IFI27L1: variants seen among roughly 807,000 people sequenced by gnomAD.
The protein encoded by IFI27L1 is interferon alpha-inducible protein 27-like protein 1.
Under a neutral mutation model 9.2 loss-of-function variants are expected in IFI27L1, and 3 were observed. That is an observed-to-expected ratio of 0.32 (90% CI 0.15 to 0.84). The LOEUF (loss-of-function observed/expected upper bound fraction) is 0.84. Ranked by LOEUF, IFI27L1 falls within the 40% of genes least tolerant of loss-of-function variation. The pLI, the probability that IFI27L1 is intolerant of heterozygous loss-of-function variation, is 0.56. For synonymous variants in IFI27L1, 53 were observed against 50.0 expected, an observed-to-expected ratio of 1.06 and a Z score of -0.26; for missense variants, 133 against 134.2, an observed-to-expected ratio of 0.99 and a Z score of 0.05.
intron 2 of IFI27L1, chr14:94,097,373 T>G: frequency 1.8e-6 from 1 of 556,376 alleles, no homozygotes; most frequent in South Asian, 2.4e-5. Flanking sequence ...TTTCAGAGCA[T>G]CTTTGTAATA....
chr14:94,101,340 TCTGA>T (rs919457046), intron 3 of IFI27L1: 19 of 217,902 alleles, frequency 8.7e-5, no homozygotes, highest in African/African-American at 2.7e-4. Flanking sequence ...CAGATGGCTC[TCTGA>T]CTGCACTGCT....
intron 2 of IFI27L1, 145 bp from the exon 3 acceptor site, chr14:94,100,594 T>G (rs960390406): frequency 1.3e-6 from 2 of 1,549,916 alleles, no homozygotes; most frequent in Non-Finnish European, 1.7e-6. Flanking sequence ...CCTTCACCTC[T>G]GACCTATGGC....
intron 1 of IFI27L1, among the ~76,000 whole-genome samples, chr14:94,085,234 G>A (rs1886244750): frequency 6.6e-6 from 1 of 152,212 alleles, no homozygotes; most frequent in African/African-American, 2.4e-5. Flanking sequence ...GGCTCATCTA[G>A]CCAGGTAGGG....
At chr14:94,086,587 T>C (rs977677016) in intron 1 of IFI27L1, among the ~76,000 whole-genome samples, 2 of 152,170 alleles carry the variant, frequency 1.3e-5, no homozygotes, top group East Asian at 1.9e-4. Flanking sequence ...AAGAGAGTTA[T>C]AATACAAAAT....
intron 1 of IFI27L1, among the ~76,000 whole-genome samples, chr14:94,088,477 C>G (rs1381362901): frequency 2.0e-5 from 3 of 150,772 alleles, no homozygotes; most frequent in Non-Finnish European, 4.4e-5. Context: ...CTTAGACCCT[C>G]CTCCTCCAAT....
intron 1 of IFI27L1, among the ~76,000 whole-genome samples, chr14:94,092,178 TCA>T (rs1191516480): frequency 6.6e-6 from 1 of 151,518 alleles, no homozygotes; most frequent in Non-Finnish European, 1.5e-5. Context: ...AAGCCAGATT[TCA>T]CCCTTTGCGT....
rs1886095265 is a variant in IFI27L1, at chr14:94,081,325, G to A, written c.-176G>A. ...GGACCGCAGCAGTGCCGGCGGGAGA[G>A]CTGGCTTGGGGCGCTGGCACCTCCT... is the stretch of plus-strand genomic sequence containing the variant. On this transcript the variant is annotated 5_prime_UTR_variant, in exon 1 of 5. Coordinates refer to ENST00000555523, the MANE Select transcript of IFI27L1 (RefSeq NM_206949.3). 3.3e-5 allele frequency: 5 copies of A among 152,302 alleles called. No individual in the cohort carries two copies. The highest frequency in any genetic ancestry group is 2.0e-4 in the Admixed American group (3 of 15,288). The allele number at this position is 152,302 out of a possible 1,614,324, so 9.4% of individuals were successfully genotyped here.
In IFI27L1 at chr14:94,096,967, TG is replaced by T. The variant is rs749336075; in HGVS notation, c.28+5del. 6.2e-7 allele frequency: 1 copy of T among 1,612,682 alleles called. No individual in the cohort carries two copies. Among genetic ancestry groups the T allele is most frequent in the East Asian group, 2.2e-5 (1 of 44,846 alleles). On this transcript the variant is annotated splice_donor_region_variant and intron_variant, in intron 2 of 4. Coordinates refer to ENST00000555523, the MANE Select transcript of IFI27L1 (RefSeq NM_206949.3). Reference sequence around the variant, plus strand: ...GAAAGGAGAGTGGATGGGACTCAGGTGGGTACTGCACATGATTCTGGGGGCT... The same window carrying T: ...GAAAGGAGAGTGGATGGGACTCAGGTGGTACTGCACATGATTCTGGGGGCT...
intron 4 of IFI27L1, 38 bp from the exon 5 acceptor site, chr14:94,102,439 C>G (rs1290490380): frequency 7.3e-7 from 1 of 1,372,840 alleles, no homozygotes; most frequent in East Asian, 2.4e-5. Flanking sequence ...GCTGCTACCC[C>G]TCCCTGTGCC....
intron 2 of IFI27L1, among the ~76,000 whole-genome samples, chr14:94,098,242 C>G (rs571619517): frequency 6.6e-6 from 1 of 152,212 alleles, no homozygotes; most frequent in Non-Finnish European, 1.5e-5. Flanking sequence ...CAGGGCCATG[C>G]TGTCTCTGAA....
In IFI27L1 at chr14:94,088,195, G is replaced by A. The variant is rs1886345591; in HGVS notation, c.-52+6746G>A. On this transcript the variant is annotated intron_variant, in intron 1 of 4. Transcript: ENST00000555523. ...AAGGTGGAAGGGACACAGGGGCTGT[G>A]CTTCGGCTTCTTCTACTGCCAAGCA... 7 of 699,960 alleles carry A rather than the reference G, an allele frequency of 1.0e-5. No homozygotes were observed. In the Admixed American group the frequency reaches 1.4e-4, roughly 14 times the overall value. 43.4% of individuals were successfully genotyped at this position (699,960 alleles called of 1,614,324 possible).
chr14:94,096,298 C>T (rs775962795), intron 1 of IFI27L1, among the ~76,000 whole-genome samples: 14 of 152,184 alleles, frequency 9.2e-5, no homozygotes, highest in Non-Finnish European at 1.6e-4. Context: ...CCAGTAGATA[C>T]GTCTCCATTC....
rs1886137462 is a variant in IFI27L1 at position 94,082,362 on chromosome 14, T to C, written c.-52+913T>C. Among the ~76,000 whole-genome samples the C allele has an allele frequency of 3.3e-5, 5 of 152,010 alleles. 1 individual carries two copies. In the South Asian group the frequency reaches 1.0e-3, roughly 31 times the overall value. ...GTCTCCAGAACATGAAAGTGTAAGATGAGGCAGCAAATGCTGATGGAGAAG... is the reference window on the plus strand; with the variant it reads ...GTCTCCAGAACATGAAAGTGTAAGACGAGGCAGCAAATGCTGATGGAGAAG... On this transcript the variant is annotated intron_variant, in intron 1 of 4. Coordinates refer to ENST00000555523, the MANE Select transcript of IFI27L1 (RefSeq NM_206949.3).
chr14:94,096,817 A>T, intron 1 of IFI27L1, 70 bp from the exon 2 acceptor site: 1 of 800,664 alleles, frequency 1.2e-6, no homozygotes, highest in Non-Finnish European at 2.1e-6. Context: ...CCCAGGAGGG[A>T]TGCAGAGTTC....
chr14:94,100,804 A>T, intron 3 of IFI27L1, 33 bp downstream of exon 3: 1 of 1,610,852 alleles, frequency 6.2e-7, no homozygotes, highest in Non-Finnish European at 8.5e-7. Flanking sequence ...TCAAGCCCCC[A>T]TCCCCCGCCT....
intron 1 of IFI27L1, among the ~76,000 whole-genome samples, chr14:94,088,497 A>ATC (rs1468035704): frequency 1.1e-5 from 1 of 91,882 alleles, no homozygotes. Flanking sequence ...TCCTGGAACA[A>ATC]TCTTTTTTTT....
chr14:94,091,145 A>G (rs1886460805), intron 1 of IFI27L1, among the ~76,000 whole-genome samples: 1 of 152,240 alleles, frequency 6.6e-6, no homozygotes, highest in African/African-American at 2.4e-5. Flanking sequence ...CACAATGTCC[A>G]AAGTTATCAG....
At chr14:94,101,719 A>G in intron 3 of IFI27L1, 95 bp from the exon 4 acceptor site, 1 of 1,334,300 alleles carries the variant, frequency 7.5e-7, no homozygotes, top group South Asian at 1.3e-5. Context: ...CTGAGAGCAC[A>G]GCAGACCCCT....
chr14:94,087,505 G>A (rs1481384873), intron 1 of IFI27L1, among the ~76,000 whole-genome samples: 1 of 152,078 alleles, frequency 6.6e-6, no homozygotes, highest in African/African-American at 2.4e-5. Flanking sequence ...GGCTCACTGC[G>A]AGCTCCGCCT....
Sources: gnomAD v4.1 joint callset for allele counts (sites outside exome capture counted in the v4.1 genomes callset) on GRCh38, gnomAD v4.1.1 for gene constraint, MANE v1.5 for transcripts, NCBI Gene and HGNC (gene_info 2026-07-23, HGNC 2026-07-21) for gene names.